The following COX10 variants were observed in gnomAD, a reference collection of about 807,000 sequenced individuals.
The protein encoded by COX10 is protoheme IX farnesyltransferase, mitochondrial.
In COX10, 27 loss-of-function variants were observed where a neutral mutation model predicts 37.3. The observed-to-expected ratio is 0.72, with a 90% CI of 0.53 to 1.00. COX10 has a LOEUF of 1.00. COX10 is among the 50% of genes least tolerant of loss of function. COX10 has a pLI of 0.00. For missense variants in COX10, 475 were observed against 563.2 expected, an observed-to-expected ratio of 0.84 and a Z score of 1.59; for synonymous variants, 222 against 229.1, an observed-to-expected ratio of 0.97 and a Z score of 0.28.
chr17:14,114,834 A>G (rs954534863), intron 4 of COX10, among the ~76,000 whole-genome samples: 1 of 152,096 alleles, frequency 6.6e-6, no homozygotes. Context: ...CATTTTAATC[A>G]ATAGTTGTTT....
chr17:14,129,758 A>T (rs2142218506), intron 4 of COX10, among the ~76,000 whole-genome samples: 1 of 152,268 alleles, frequency 6.6e-6, no homozygotes, highest in African/African-American at 2.4e-5. Context: ...TACCTTGAAA[A>T]ACCAACTTTA....
intron 4 of COX10, among the ~76,000 whole-genome samples, chr17:14,143,604 CAAA>C: frequency 1.3e-5 from 2 of 152,166 alleles, no homozygotes; most frequent in South Asian, 4.2e-4. Flanking sequence ...CCTCTCTGAC[CAAA>C]TCACTTCTCT....
At chr17:14,184,806 G>A (rs2529640) in intron 5 of COX10, among the ~76,000 whole-genome samples, 85,845 of 145,538 alleles carry the variant, frequency 0.59, 25,017 homozygotes, top group Non-Finnish European at 0.63. Context: ...TTGGCTCAGC[G>A]TATGTAGCTT....
rs1915161268 is a variant in COX10 at position 14,076,767 on chromosome 17, G to T, written c.210G>T (p.Gln70His). The T allele has an allele frequency of 6.2e-7, 1 of 1,614,026 alleles. No homozygotes were observed. The highest frequency in any genetic ancestry group is 1.3e-5 in the African/African-American group (1 of 74,908). Residue 70 changes from glutamine (Q) to histidine (H), a missense_variant, in exon 3 of 7, where the codon CAG (glutamine) becomes CAT (histidine). Gln to His is a conservative substitution (Grantham distance 24). This residue lies in a region of COX10 where 242 missense variants were observed against 242.5 expected (regional missense o/e 1.00). Transcript: ENST00000261643. The stretch of plus-strand genomic sequence containing the variant: ...CACAGCTGAACAGAAGCCACAACCA[G>T]CAAGTAAGACCCAAGCCAGAACCAG... ...YVTQLNRSHN[Q>H]QVRPKPEPVA...
chr17:14,122,808 C>A (rs1284991182), intron 4 of COX10, among the ~76,000 whole-genome samples: 4 of 152,176 alleles, frequency 2.6e-5, no homozygotes, highest in Non-Finnish European at 4.4e-5. Context: ...TTAAATTAAT[C>A]TTTTATAATT....
chr17:14,146,221 C>T (rs549949919), intron 4 of COX10, among the ~76,000 whole-genome samples: 96 of 151,918 alleles, frequency 6.3e-4, no homozygotes, highest in African/African-American at 2.2e-3. Flanking sequence ...ATTATAGTAA[C>T]CAAAGAGCTA....
In COX10 at chr17:14,090,406, C is replaced by T. The variant is rs890238975; in HGVS notation, c.500-11712C>T. ...TAACTGTTTATTTTGGAAAACCTTT[C>T]CAAAATGTATATAAAGTTTTAAATT... is the stretch of plus-strand genomic sequence containing the variant. On this transcript the variant is annotated intron_variant, in intron 3 of 6. Coordinates refer to ENST00000261643, the MANE Select transcript of COX10 (RefSeq NM_001303.4). Among the ~76,000 whole-genome samples, 9 of 151,838 alleles carry T rather than the reference C, an allele frequency of 5.9e-5. No individual in the cohort carries two copies. In the East Asian group the frequency reaches 9.7e-4, roughly 16 times the overall value.
At chr17:14,193,586 T>C (rs1003274026) in intron 6 of COX10, among the ~76,000 whole-genome samples, 68 of 146,762 alleles carry the variant, frequency 4.6e-4, no homozygotes, top group Non-Finnish European at 9.1e-4. Context: ...TGGGGTCCTT[T>C]GGTGAGGTTT....
intron 5 of COX10, among the ~76,000 whole-genome samples, chr17:14,191,075 G>C (rs909304113): frequency 2.6e-5 from 4 of 152,084 alleles, no homozygotes; most frequent in Middle Eastern, 3.4e-3. Context: ...GAGAAGGCAG[G>C]CTTGAGTAAC....
intron 5 of COX10, among the ~76,000 whole-genome samples, chr17:14,190,496 C>T (rs1212282165): frequency 2.0e-5 from 3 of 152,182 alleles, no homozygotes; most frequent in Non-Finnish European, 4.4e-5. Flanking sequence ...GTTCTTCTGT[C>T]ACAAGCACCT....
intron 4 of COX10, among the ~76,000 whole-genome samples, chr17:14,159,028 A>G (rs1905115371): frequency 1.3e-5 from 2 of 152,176 alleles, no homozygotes; most frequent in African/African-American, 2.4e-5. Flanking sequence ...TTTTGATAAT[A>G]CCTTGGGCCT....
intron 4 of COX10, among the ~76,000 whole-genome samples, chr17:14,156,958 T>C (rs571839899): frequency 5.2e-4 from 79 of 152,332 alleles, no homozygotes; most frequent in African/African-American, 1.9e-3. Context: ...TTGTGGGCTA[T>C]GTGGTCTCTG....
chr17:14,199,985 A>G lies in COX10; in HGVS notation c.929-6825A>G, dbSNP rs145944255. Among the ~76,000 whole-genome samples the G allele has an allele frequency of 2.8e-3, 433 of 152,178 alleles. 3 individuals are homozygous for G. Among genetic ancestry groups the G allele is most frequent in the African/African-American group, 1.0e-2 (415 of 41,536 alleles). The stretch of plus-strand genomic sequence containing the variant: ...CGTGGGCCACATCAGAGAGGAGACT[A>G]TTGTACTGGCGAGGGAAGACCTCCC... On this transcript the variant is annotated intron_variant, in intron 6 of 6. Coordinates refer to ENST00000261643, the MANE Select transcript of COX10 (RefSeq NM_001303.4).
At chr17:14,076,441 A>C (rs1478804750) in intron 2 of COX10, among the ~76,000 whole-genome samples, 1 of 115,082 alleles carries the variant, frequency 8.7e-6, no homozygotes, top group Non-Finnish European at 2.0e-5. Flanking sequence ...AAAATTCTGG[A>C]GGAGATGAAT....
At chr17:14,175,999 A>G (rs1432720867) in intron 5 of COX10, among the ~76,000 whole-genome samples, 1 of 152,182 alleles carries the variant, frequency 6.6e-6, no homozygotes, top group Non-Finnish European at 1.5e-5. Flanking sequence ...AGTTGTACAA[A>G]TGGGGCTGGT....
chr17:14,182,979 T>C (rs527580474), intron 5 of COX10, among the ~76,000 whole-genome samples: 1 of 152,046 alleles, frequency 6.6e-6, no homozygotes, highest in Non-Finnish European at 1.5e-5. Context: ...CTGTAGAAAA[T>C]TATACTTTCG....
At chr17:14,097,530 C>T (rs1196906376) in intron 3 of COX10, among the ~76,000 whole-genome samples, 1 of 152,012 alleles carries the variant, frequency 6.6e-6, no homozygotes, top group Non-Finnish European at 1.5e-5. Flanking sequence ...TGTCTCTTCT[C>T]AATTTATCAG....
At chr17:14,123,904 CAT>C (rs1009809424) in intron 4 of COX10, among the ~76,000 whole-genome samples, 24 of 151,694 alleles carry the variant, frequency 1.6e-4, no homozygotes, top group African/African-American at 4.6e-4. Flanking sequence ...GATGTTGAGA[CAT>C]AGACATTTTT....
At chr17:14,113,068 C>G (rs1916039702) in intron 4 of COX10, among the ~76,000 whole-genome samples, 1 of 152,140 alleles carries the variant, frequency 6.6e-6, no homozygotes, top group Admixed American at 6.6e-5. Context: ...TGATCTGATT[C>G]TTCTCAAGAC....
Sources: gnomAD v4.1 joint callset for allele counts (sites outside exome capture counted in the v4.1 genomes callset) on GRCh38, gnomAD v4.1.1 for gene constraint, gnomAD v4.1.1 regional missense constraint, MANE v1.5 for transcripts, NCBI Gene and HGNC (gene_info 2026-07-23, HGNC 2026-07-21) for gene names.